PCP4: variants seen among roughly 807,000 people sequenced by gnomAD.
The protein encoded by PCP4 is calmodulin regulator protein PCP4.
PCP4 carries 8 observed loss-of-function variants against 10.0 expected under a neutral mutation model. That is an observed-to-expected ratio of 0.80 (90% CI 0.47 to 1.45). PCP4 has a LOEUF of 1.45. Ranked by LOEUF, PCP4 falls within the 40% of genes most tolerant of loss-of-function variation. The probability of loss-of-function intolerance (pLI) is 0.00; values close to 1 mark genes in which losing one functional copy is unlikely to be tolerated. For missense variants in PCP4, 54 were observed against 74.4 expected (o/e 0.73, Z 1.01); for synonymous variants, 21 against 23.0 (o/e 0.91, Z 0.24).
intron 1 of PCP4, among the ~76,000 whole-genome samples, chr21:39,881,003 G>A (rs1044381759): frequency 2.6e-5 from 4 of 152,138 alleles, no homozygotes; most frequent in Non-Finnish European, 4.4e-5. Context: ...ATTGGTGGTC[G>A]TGTGTGCATT....
At chr21:39,885,002 T>A (rs1465805428) in intron 1 of PCP4, among the ~76,000 whole-genome samples, 2 of 152,296 alleles carry the variant, frequency 1.3e-5, no homozygotes, top group Middle Eastern at 3.4e-3. Context: ...AGCTTTTAAG[T>A]CAATTAAATC....
At chr21:39,924,194 T>C (rs1336038247) in intron 2 of PCP4, among the ~76,000 whole-genome samples, 1 of 152,186 alleles carries the variant, frequency 6.6e-6, no homozygotes, top group Non-Finnish European at 1.5e-5. Flanking sequence ...TCCCCTTCAC[T>C]GGCCTTTGCA....
chr21:39,924,739 A>C (rs1314956793), intron 2 of PCP4, among the ~76,000 whole-genome samples: 5 of 152,112 alleles, frequency 3.3e-5, no homozygotes, highest in Non-Finnish European at 5.9e-5. Flanking sequence ...CTTTTTGTAG[A>C]AACGGTGTCT....
At chr21:39,918,232 C>T (rs556910557) in intron 2 of PCP4, among the ~76,000 whole-genome samples, 6 of 152,232 alleles carry the variant, frequency 3.9e-5, no homozygotes, top group East Asian at 3.9e-4. Flanking sequence ...TGCTCTTCCT[C>T]GCTTAATAAA....
At chr21:39,873,773 A>T (rs2087331729) in intron 1 of PCP4, among the ~76,000 whole-genome samples, 2 of 152,338 alleles carry the variant, frequency 1.3e-5, no homozygotes, top group East Asian at 1.9e-4. Flanking sequence ...AGCTTGCCAC[A>T]GTCATCAATG....
chr21:39,867,816 T>C (rs996877265), intron 1 of PCP4, among the ~76,000 whole-genome samples: 1 of 152,214 alleles, frequency 6.6e-6, no homozygotes, highest in Non-Finnish European at 1.5e-5. Flanking sequence ...TTTATTCTCT[T>C]ACGAAGATGC....
chr21:39,919,853 GTGTT>G (rs2039642730), intron 2 of PCP4, among the ~76,000 whole-genome samples: 1 of 151,256 alleles, frequency 6.6e-6, no homozygotes, highest in African/African-American at 2.4e-5. Flanking sequence ...GTAGTGTGGT[GTGTT>G]TGTGTGTGGT....
intron 2 of PCP4, among the ~76,000 whole-genome samples, chr21:39,910,803 C>T (rs886415077): frequency 6.6e-6 from 1 of 152,214 alleles, no homozygotes; most frequent in Non-Finnish European, 1.5e-5. Context: ...TGCAGGGCCC[C>T]TGAGCTGCTT....
At chr21:39,926,466 T>A (rs1018157728) in intron 2 of PCP4, among the ~76,000 whole-genome samples, 2 of 141,934 alleles carry the variant, frequency 1.4e-5, no homozygotes, top group African/African-American at 5.3e-5. Flanking sequence ...CATTTTACAT[T>A]TAAAAGGGAA....
At chr21:39,899,314 C>T (rs754858029) in intron 2 of PCP4, among the ~76,000 whole-genome samples, 5 of 152,186 alleles carry the variant, frequency 3.3e-5, no homozygotes, top group East Asian at 1.9e-4. Context: ...TCTGGGTGTT[C>T]TTCCTTTCTG....
chr21:39,899,729 A>G (rs1489982618), intron 2 of PCP4, among the ~76,000 whole-genome samples: 1 of 152,142 alleles, frequency 6.6e-6, no homozygotes, highest in Non-Finnish European at 1.5e-5. Flanking sequence ...TTTGCTGCCC[A>G]GGGCTTTTCC....
At chr21:39,915,166 G>C (rs1242403905) in intron 2 of PCP4, among the ~76,000 whole-genome samples, 1 of 151,912 alleles carries the variant, frequency 6.6e-6, no homozygotes, top group African/African-American at 2.4e-5. Context: ...AAAATAACAT[G>C]AAGCAGGGAA....
At chr21:39,869,280 G>T (rs192074895) in intron 1 of PCP4, among the ~76,000 whole-genome samples, 18 of 152,246 alleles carry the variant, frequency 1.2e-4, no homozygotes, top group African/African-American at 4.1e-4. Context: ...GCTCTGCTGG[G>T]CTCACTCAAC....
At chr21:39,908,113 G>GA (rs1021694546) in intron 2 of PCP4, among the ~76,000 whole-genome samples, 10 of 150,510 alleles carry the variant, frequency 6.6e-5, no homozygotes, top group Admixed American at 2.0e-4. Context: ...ATTGGCTTCA[G>GA]AAAAAAAAAG....
At chr21:39,897,567 G>A (rs1437305517) in intron 1 of PCP4, among the ~76,000 whole-genome samples, 3 of 151,958 alleles carry the variant, frequency 2.0e-5, no homozygotes, top group Non-Finnish European at 4.4e-5. Context: ...CATTTCACGC[G>A]GCTCCCCAGA....
chr21:39,872,012 TA>T (rs1236860705), intron 1 of PCP4, among the ~76,000 whole-genome samples: 2 of 152,328 alleles, frequency 1.3e-5, no homozygotes, highest in Admixed American at 1.3e-4. Context: ...TTTACTTATT[TA>T]TTTGAGATGG....
At chr21:39,911,529 G>T (rs537650043) in intron 2 of PCP4, among the ~76,000 whole-genome samples, 1 of 152,172 alleles carries the variant, frequency 6.6e-6, no homozygotes, top group African/African-American at 2.4e-5. Context: ...GTGTGACTGC[G>T]ATCTTTCAGG....
At chr21:39,928,667 A>G (rs111695994) in intron 2 of PCP4, among the ~76,000 whole-genome samples, 1 of 152,200 alleles carries the variant, frequency 6.6e-6, no homozygotes, top group African/African-American at 2.4e-5. Context: ...AGATAGCAGG[A>G]GAAAGTAACA....
At chr21:39,911,576 C>T (rs907698285) in intron 2 of PCP4, among the ~76,000 whole-genome samples, 39 of 152,178 alleles carry the variant, frequency 2.6e-4, no homozygotes, top group African/African-American at 8.9e-4. Flanking sequence ...ACTTTATAAC[C>T]TTTTCACCTG....
Sources: gnomAD v4.1 joint callset for allele counts (sites outside exome capture counted in the v4.1 genomes callset) on GRCh38, gnomAD v4.1.1 for gene constraint, MANE v1.5 for transcripts, NCBI Gene and HGNC (gene_info 2026-07-23, HGNC 2026-07-21) for gene names.